The following PRKN variants were observed in gnomAD, a reference collection of about 807,000 sequenced individuals.
PRKN encodes parkin RBR E3 ubiquitin protein ligase, also known as E3 ubiquitin-protein ligase parkin.
Under a neutral mutation model 59.5 loss-of-function variants are expected in PRKN, and 56 were observed. The observed-to-expected ratio is 0.94, with a 90% CI of 0.76 to 1.18. The LOEUF (loss-of-function observed/expected upper bound fraction) is 1.18. PRKN is among the 50% of genes most tolerant of loss of function. The pLI is 0.00. For synonymous variants in PRKN, 250 were observed against 222.1 expected, an observed-to-expected ratio of 1.13 and a Z score of -1.12; for missense variants, 657 against 596.4, an observed-to-expected ratio of 1.10 and a Z score of -1.06.
intron 7 of PRKN, among the ~76,000 whole-genome samples, chr6:161,725,591 C>A (rs1042287465): frequency 1.3e-5 from 2 of 152,166 alleles, no homozygotes; most frequent in Admixed American, 6.5e-5. Context: ...ACTGGCTAAC[C>A]GCATGGCTCA....
chr6:161,463,319 G>A lies in PRKN; in HGVS notation c.1084-76442C>T, dbSNP rs951997316. Among the ~76,000 whole-genome samples, 2 of 152,168 alleles carry A rather than the reference G, an allele frequency of 1.3e-5. No homozygotes were observed. Among genetic ancestry groups the A allele is most frequent in the Non-Finnish European group, 2.9e-5 (2 of 68,020 alleles). ...AAACTTTCCCAGCTTTCAGAATGACGACTGTTTGGTTCTACCTGGCTTATC... is the reference window on the plus strand; with the variant it reads ...AAACTTTCCCAGCTTTCAGAATGACAACTGTTTGGTTCTACCTGGCTTATC... On this transcript the variant is annotated intron_variant, in intron 9 of 11. Transcript: ENST00000366898. The surrounding 1 kb of genome is among the most constrained non-coding windows in gnomAD (Gnocchi z 4.8).
chr6:162,548,706 A>G lies in PRKN; in HGVS notation c.8-105233T>C, dbSNP rs561231135. ...TGAAAGCCATTTGAGCTTGAGCTGC[A>G]ATGAGCTCAGGTGCAAATTTCTTGA... On this transcript the variant is annotated intron_variant, in intron 1 of 11. Transcript: ENST00000366898. Among the ~76,000 whole-genome samples, 3 of 152,304 alleles carry G rather than the reference A, an allele frequency of 2.0e-5. No homozygotes were observed. The East Asian group carries it at 5.8e-4, about 29-fold the overall frequency.
intron 2 of PRKN, among the ~76,000 whole-genome samples, chr6:162,281,046 T>A (rs1405404983): frequency 3.9e-5 from 6 of 151,980 alleles, no homozygotes; most frequent in Non-Finnish European, 5.9e-5. Flanking sequence ...AAACACTGCA[T>A]CCATGCCATA....
intron 1 of PRKN, among the ~76,000 whole-genome samples, chr6:162,574,397 T>G (rs2128209588): frequency 6.6e-6 from 1 of 152,298 alleles, no homozygotes; most frequent in African/African-American, 2.4e-5. Context: ...AAAATGCATT[T>G]TGAGGTTATG....
intron 2 of PRKN, among the ~76,000 whole-genome samples, chr6:162,273,851 GATAA>G (rs1780494705): frequency 1.3e-5 from 2 of 151,996 alleles, no homozygotes; most frequent in African/African-American, 4.8e-5. Flanking sequence ...AATTATCATG[GATAA>G]ATGATATTAT....
intron 1 of PRKN, among the ~76,000 whole-genome samples, chr6:162,545,000 T>C (rs753487390): frequency 6.7e-6 from 1 of 149,784 alleles, no homozygotes. Flanking sequence ...AAAATCTGAA[T>C]TGTCAGCTGG....
intron 1 of PRKN, among the ~76,000 whole-genome samples, chr6:162,525,537 C>T (rs1409982405): frequency 2.6e-5 from 4 of 152,218 alleles, no homozygotes; most frequent in Non-Finnish European, 5.9e-5. Flanking sequence ...CTCCTCGACT[C>T]CCTCCCACAA....
At chr6:161,680,684 G>A (rs1222493856) in intron 7 of PRKN, among the ~76,000 whole-genome samples, 1 of 141,888 alleles carries the variant, frequency 7.0e-6, no homozygotes, top group Non-Finnish European at 1.5e-5. Context: ...CACTGCAGGT[G>A]TCTGGCCAAC....
intron 6 of PRKN, among the ~76,000 whole-genome samples, chr6:161,885,330 T>A (rs1422594232): frequency 6.6e-6 from 1 of 152,040 alleles, no homozygotes. Context: ...ACAGAGCAGA[T>A]AAGGGAGGTT....
intron 4 of PRKN, among the ~76,000 whole-genome samples, chr6:162,170,359 A>C (rs185791277): frequency 3.3e-5 from 5 of 152,310 alleles, no homozygotes; most frequent in African/African-American, 9.6e-5. Context: ...CAGGAAGTTC[A>C]CTTGAGCAGC....
chr6:161,543,860 T>C (rs540563382), intron 9 of PRKN, among the ~76,000 whole-genome samples: 4 of 152,312 alleles, frequency 2.6e-5, no homozygotes, highest in African/African-American at 7.2e-5. Flanking sequence ...ATGTATTCCA[T>C]ATTTTGTTGC....
chr6:162,505,613 AG>A (rs1793574038), intron 1 of PRKN, among the ~76,000 whole-genome samples: 1 of 152,188 alleles, frequency 6.6e-6, no homozygotes, highest in African/African-American at 2.4e-5. Flanking sequence ...GAGCCACAAA[AG>A]CAACTATACA....
chr6:162,563,009 A>G (rs540595628), intron 1 of PRKN, among the ~76,000 whole-genome samples: 11 of 152,326 alleles, frequency 7.2e-5, no homozygotes, highest in Middle Eastern at 3.4e-3. Flanking sequence ...TTTGTTTAAG[A>G]GAAAGCAAGA....
chr6:161,527,110 C>G lies in PRKN; in HGVS notation c.1083+21744G>C, dbSNP rs1156938621. On this transcript the variant is annotated intron_variant, in intron 9 of 11. Coordinates refer to ENST00000366898, the MANE Select transcript of PRKN (RefSeq NM_004562.3). The surrounding 1 kb of genome is among the most constrained non-coding windows in gnomAD (Gnocchi z 4.6). ...GGGTAAGGTATCACCTCCAATCTTACCTCCTGTGATAAGATCTTCTCTGTT... is the reference window on the plus strand; with the variant it reads ...GGGTAAGGTATCACCTCCAATCTTAGCTCCTGTGATAAGATCTTCTCTGTT... Among the ~76,000 whole-genome samples the G allele has an allele frequency of 6.6e-6, 1 of 152,128 alleles. No individual in the cohort carries two copies. The highest frequency in any genetic ancestry group is 2.4e-5 in the African/African-American group (1 of 41,428).
At chr6:161,925,994 C>G (rs971451901) in intron 6 of PRKN, among the ~76,000 whole-genome samples, 6 of 152,138 alleles carry the variant, frequency 3.9e-5, no homozygotes, top group Non-Finnish European at 5.9e-5. Context: ...AACATTGGAG[C>G]TGAGAGAGGT....
chr6:162,040,711 G>A (rs1784036348), intron 5 of PRKN, among the ~76,000 whole-genome samples: 1 of 151,248 alleles, frequency 6.6e-6, no homozygotes, highest in Non-Finnish European at 1.5e-5. Context: ...GAGCCACCAT[G>A]CCTGGCCTAG....
chr6:162,493,641 A>G (rs1412431273), intron 1 of PRKN, among the ~76,000 whole-genome samples: 3 of 152,228 alleles, frequency 2.0e-5, no homozygotes, highest in Non-Finnish European at 2.9e-5. Context: ...GGGAATACTG[A>G]AAGTTTTTTG....
At chr6:162,703,993 G>T (rs977494225) in intron 1 of PRKN, among the ~76,000 whole-genome samples, 2 of 152,146 alleles carry the variant, frequency 1.3e-5, no homozygotes, top group African/African-American at 4.8e-5. Context: ...GCAGGGAGGG[G>T]GATTTGCTTT....
chr6:161,514,252 T>C (rs141451377), intron 9 of PRKN, among the ~76,000 whole-genome samples: 46 of 152,202 alleles, frequency 3.0e-4, no homozygotes, highest in Admixed American at 7.9e-4. Context: ...AAATGAAAGA[T>C]ATTTATTTAT....
Sources: gnomAD v4.1 joint callset for allele counts (sites outside exome capture counted in the v4.1 genomes callset) on GRCh38, gnomAD v4.1.1 for gene constraint, Gnocchi (gnomAD v3.1) non-coding constraint, MANE v1.5 for transcripts, NCBI Gene and HGNC (gene_info 2026-07-23, HGNC 2026-07-21) for gene names.